The following LGR4 variants were observed in gnomAD, a reference collection of about 807,000 sequenced individuals.
The protein encoded by LGR4 is leucine rich repeat containing G protein-coupled receptor 4.
Under a neutral mutation model 84.8 loss-of-function variants are expected in LGR4, and 44 were observed. The observed-to-expected ratio is 0.52, with a 90% confidence interval of 0.41 to 0.67. The LOEUF (loss-of-function observed/expected upper bound fraction) is 0.67. Among genes scored for constraint, LGR4 ranks in the 30% least tolerant of loss-of-function variants. The probability of loss-of-function intolerance (pLI) is 0.00; values close to 1 mark genes in which losing one functional copy is unlikely to be tolerated. For synonymous variants in LGR4, 429 were observed against 434.3 expected (o/e 0.99, Z 0.15); for missense variants, 1,032 against 1,131.4 (o/e 0.91, Z 1.26).
At chr11:27,424,844 T>C (rs7110173) in intron 1 of LGR4, among the ~76,000 whole-genome samples, 7,804 of 152,184 alleles carry the variant, frequency 0.051, 251 homozygotes, top group Middle Eastern at 0.092. Flanking sequence ...TGCCTCCCGG[T>C]TCAGGCAATT....
chr11:27,461,098 A>G (rs1211032098), intron 1 of LGR4, among the ~76,000 whole-genome samples: 1 of 152,226 alleles, frequency 6.6e-6, no homozygotes, highest in Non-Finnish European at 1.5e-5. Flanking sequence ...TAAGAATGTC[A>G]TATAAACTTT....
Position 27,366,939 on chromosome 11 carries a change from A to G in LGR4, c.*928T>C, listed in dbSNP as rs996521116. ...TAAATGCAAGTATTGACCACAGTTT[A>G]CTTTCTATATAATCCAAGCTATTGC... is the stretch of plus-strand genomic sequence containing the variant. On this transcript the variant is annotated 3_prime_UTR_variant, in exon 18 of 18. Transcript: ENST00000379214. 3 of 152,194 alleles carry G rather than the reference A, an allele frequency of 2.0e-5. No individual in the cohort carries two copies. Among genetic ancestry groups the G allele is most frequent in the African/African-American group, 4.8e-5 (2 of 41,460 alleles). 9.4% of individuals were successfully genotyped at this position (152,194 alleles called of 1,614,324 possible). A position where few individuals can be genotyped will look rare whatever the true frequency, so the allele number is the denominator to read the frequency against.
chr11:27,464,900 A>T (rs1476719336), intron 1 of LGR4, among the ~76,000 whole-genome samples: 1 of 152,200 alleles, frequency 6.6e-6, no homozygotes, highest in East Asian at 1.9e-4. Flanking sequence ...TGAAAAAAAA[A>T]ACCTGCATTC....
At chr11:27,430,195 C>T (rs1424942123) in intron 1 of LGR4, among the ~76,000 whole-genome samples, 1 of 152,176 alleles carries the variant, frequency 6.6e-6, no homozygotes, top group Non-Finnish European at 1.5e-5. Flanking sequence ...TTCAAAGACA[C>T]CATCACTTAA....
At chr11:27,461,749 CT>C (rs1864685964) in intron 1 of LGR4, among the ~76,000 whole-genome samples, 1 of 151,596 alleles carries the variant, frequency 6.6e-6, no homozygotes, top group African/African-American at 2.4e-5. Context: ...ACCCCTGCTC[CT>C]TATGTCCACA....
chr11:27,402,291 C>A (rs955259570), intron 2 of LGR4, among the ~76,000 whole-genome samples: 6 of 152,094 alleles, frequency 3.9e-5, no homozygotes, highest in African/African-American at 1.4e-4. Context: ...CAGCTCTACT[C>A]CTAAATGAGA....
chr11:27,457,470 TAAAG>T (rs1231800967), intron 1 of LGR4, among the ~76,000 whole-genome samples: 5 of 152,174 alleles, frequency 3.3e-5, no homozygotes, highest in African/African-American at 9.7e-5. Context: ...TTAAAGAACT[TAAAG>T]AAAGCAGACA....
intron 4 of LGR4, 135 bp from the exon 5 acceptor site, chr11:27,385,603 A>G (rs1234081811): frequency 1.2e-5 from 7 of 579,936 alleles, no homozygotes; most frequent in African/African-American, 3.7e-5. Flanking sequence ...AGAAGTCCTC[A>G]TAACATCTAA....
rs780383908 is a variant in LGR4, at chr11:27,376,250, C to T, written c.1181+49G>A. The T allele has an allele frequency of 2.9e-6, 3 of 1,047,106 alleles. No individual in the cohort carries two copies. In the South Asian group the frequency reaches 4.1e-5, roughly 14 times the overall value. 64.9% of individuals were successfully genotyped at this position (1,047,106 alleles called of 1,614,324 possible). On this transcript the variant is annotated intron_variant, in intron 13 of 17. Coordinates refer to ENST00000379214, the MANE Select transcript of LGR4 (RefSeq NM_018490.5). ...CATGGAAATCATAACAACATATTAA[C>T]ATAGTTTGGAAAAAATTTATTGTCT...
Position 27,472,280 on chromosome 11 carries a change from A to G in LGR4, c.23T>C (p.Leu8Pro), listed in dbSNP as rs1864893426. 1 of 1,238,388 alleles carries G rather than the reference A, an allele frequency of 8.1e-7. No homozygotes were observed. The highest frequency in any genetic ancestry group is 3.4e-5 in the East Asian group (1 of 29,622). The allele number at this position is 1,238,388 out of a possible 1,614,324, so 76.7% of individuals were successfully genotyped here. A position where few individuals can be genotyped will look rare whatever the true frequency, so the allele number is the denominator to read the frequency against. The change falls in exon 1 of 18, where the codon CTC becomes CCC. Residue 8 changes from leucine (L) to proline (P), a missense_variant. Coordinates refer to ENST00000379214, the MANE Select transcript of LGR4 (RefSeq NM_018490.5). Reference protein sequence around the residue: MPGPLGLLCFLALGLLGS... With the variant: MPGPLGLPCFLALGLLGS... ...GAGCAGCCCCAGGGCGAGGAAGCAGAGCAGCCCTAGCGGGCCCGGCATTGC... is the reference window on the plus strand; with the variant it reads ...GAGCAGCCCCAGGGCGAGGAAGCAGGGCAGCCCTAGCGGGCCCGGCATTGC...
At chr11:27,457,455 G>A (rs867435035) in intron 1 of LGR4, among the ~76,000 whole-genome samples, 8 of 152,112 alleles carry the variant, frequency 5.3e-5, no homozygotes, top group African/African-American at 1.4e-4. Flanking sequence ...TCAGCATAGA[G>A]GAGTTTAAAG....
intron 1 of LGR4, among the ~76,000 whole-genome samples, chr11:27,457,766 G>A (rs1864600672): frequency 6.6e-6 from 1 of 152,176 alleles, no homozygotes; most frequent in East Asian, 1.9e-4. Context: ...TAGGGCAAAT[G>A]TCCCTTGACT....
intron 1 of LGR4, among the ~76,000 whole-genome samples, chr11:27,420,628 G>A (rs564579207): frequency 2.6e-5 from 4 of 151,906 alleles, no homozygotes; most frequent in South Asian, 2.1e-4. Flanking sequence ...TATATATTAC[G>A]TATAATATAC....
chr11:27,454,057 A>C (rs1218549669), intron 1 of LGR4, among the ~76,000 whole-genome samples: 1 of 152,222 alleles, frequency 6.6e-6, no homozygotes, highest in Non-Finnish European at 1.5e-5. Flanking sequence ...CTGCATGATA[A>C]AACTTTGGTC....
chr11:27,461,211 A>T (rs962632873), intron 1 of LGR4, among the ~76,000 whole-genome samples: 1 of 149,658 alleles, frequency 6.7e-6, no homozygotes, highest in African/African-American at 2.5e-5. Flanking sequence ...TCTCAAATGT[A>T]AAAAAAAACA....
At chr11:27,411,988 C>T (rs1362652164) in intron 2 of LGR4, among the ~76,000 whole-genome samples, 1 of 152,076 alleles carries the variant, frequency 6.6e-6, no homozygotes, top group Non-Finnish European at 1.5e-5. Flanking sequence ...CACCTTCCTA[C>T]CTCTATATAT....
At chr11:27,399,271 G>A (rs1464330243) in intron 2 of LGR4, among the ~76,000 whole-genome samples, 1 of 152,076 alleles carries the variant, frequency 6.6e-6, no homozygotes, top group Non-Finnish European at 1.5e-5. Flanking sequence ...AGTATCACAG[G>A]TGGTACCCAA....
chr11:27,382,816 A>C (rs1200081233), intron 6 of LGR4, among the ~76,000 whole-genome samples: 1 of 152,160 alleles, frequency 6.6e-6, no homozygotes, highest in African/African-American at 2.4e-5. Flanking sequence ...CAAGAGATCG[A>C]GACCATCCTG....
chr11:27,472,171 G>C lies in LGR4; in HGVS notation c.132C>G (p.Ser44=), dbSNP rs1203959286. The part of the protein sequence containing the change: ...SCDGDRRVDC[S]GKGLTAVPEG... ...CGGGCACGGCCGTCAGCCCCTTCCC[G>C]GAGCAGTCCACCCGACGGTCGCCGT... The change falls in exon 1 of 18, where the codon TCC becomes TCG. Residue 44 remains serine, a synonymous_variant. Transcript: ENST00000379214. The C allele has an allele frequency of 2.1e-6, 3 of 1,410,518 alleles. No homozygotes were observed. Among genetic ancestry groups the C allele is most frequent in the Non-Finnish European group, 2.8e-6 (3 of 1,083,810 alleles). 87.4% of individuals were successfully genotyped at this position (1,410,518 alleles called of 1,614,324 possible).
Sources: allele counts gnomAD v4.1 joint callset (sites outside exome capture counted in the v4.1 genomes callset), GRCh38; gene constraint gnomAD v4.1.1; transcripts MANE v1.5; gene names NCBI Gene and HGNC (gene_info 2026-07-23, HGNC 2026-07-21).